WDR37: variants seen among roughly 807,000 people sequenced by gnomAD.
The protein encoded by WDR37 is WD repeat-containing protein 37.
In WDR37, 19 loss-of-function variants were observed where a neutral mutation model predicts 62.9. The ratio of observed to expected loss-of-function variants is 0.30; its 90% confidence interval spans 0.21 to 0.44. WDR37 has a LOEUF of 0.44. WDR37 is among the 20% of genes least tolerant of loss of function. The pLI is 1.00. For missense variants in WDR37, 474 were observed against 657.6 expected, an observed-to-expected ratio of 0.72 and a Z score of 3.05; for synonymous variants, 250 against 260.9, an observed-to-expected ratio of 0.96 and a Z score of 0.40.
At chr10:1,107,202 G>C (rs1835050949) in intron 11 of WDR37, among the ~76,000 whole-genome samples, 1 of 152,262 alleles carries the variant, frequency 6.6e-6, no homozygotes, top group Non-Finnish European at 1.5e-5. Flanking sequence ...TCCCATGCAT[G>C]TTAGCTTGGA....
rs772555616 is a variant in WDR37 at position 1,080,524 on chromosome 10, G to A, written c.396+48G>A. ...AGCCATCATGTGGTGGTTAAGGTGT[G>A]CAGATGTGTACTTTAAGTTGTTTAT... On this transcript the variant is annotated intron_variant, in intron 5 of 13. Transcript: ENST00000263150. 8 of 1,586,394 alleles carry A rather than the reference G, an allele frequency of 5.0e-6. No individual in the cohort carries two copies. The African/African-American group carries it at 1.1e-4, about 21-fold the overall frequency.
chr10:1,129,409 T>C lies in WDR37; in HGVS notation c.*65T>C. On this transcript the variant is annotated 3_prime_UTR_variant, in exon 14 of 14. Coordinates refer to ENST00000263150, the MANE Select transcript of WDR37 (RefSeq NM_014023.4). ...GACCTTTGATGGGTGCAGGCTTTTC[T>C]GCGTATTAATCAGCCATTTTTGTGA... is the stretch of plus-strand genomic sequence containing the variant. The C allele has an allele frequency of 1.3e-6, 2 of 1,596,452 alleles. No homozygotes were observed. The highest frequency in any genetic ancestry group is 1.7e-6 in the Non-Finnish European group (2 of 1,168,062).
At chr10:1,069,389 A>ATATATATATATATATATTTTTT in intron 1 of WDR37, among the ~76,000 whole-genome samples, 1 of 95,780 alleles carries the variant, frequency 1.0e-5, no homozygotes, top group Non-Finnish European at 1.9e-5. Context: ...ATATATATAT[A>ATATATATATATATATATTTTTT]TTTTTTTTTT....
rs1380754527 is a variant in WDR37 at position 1,121,653 on chromosome 10, A to G, written c.1104-2565A>G. Reference sequence around the variant, plus strand: ...CCCCCAGGAGACAGTGTTTGTTGTCACCCCTGGGGAGGGGTCTGCTCTAGT... The same window carrying G: ...CCCCCAGGAGACAGTGTTTGTTGTCGCCCCTGGGGAGGGGTCTGCTCTAGT... On this transcript the variant is annotated intron_variant, in intron 11 of 13. Transcript: ENST00000263150. The surrounding 1 kb of genome is among the most constrained non-coding windows in gnomAD (Gnocchi z 4.5). Among the ~76,000 whole-genome samples, 1 of 151,988 alleles carries G rather than the reference A, an allele frequency of 6.6e-6. No individual in the cohort carries two copies. The highest frequency in any genetic ancestry group is 2.4e-5 in the African/African-American group (1 of 41,358).
At chr10:1,097,331 T>C (rs1241660879) in intron 9 of WDR37, among the ~76,000 whole-genome samples, 1 of 152,090 alleles carries the variant, frequency 6.6e-6, no homozygotes, top group Non-Finnish European at 1.5e-5. Context: ...GATCCAGGAC[T>C]GGAGATGGGA....
Position 1,080,095 on chromosome 10 carries a change from TCAAAA to T in WDR37, c.326_330del (p.Thr109SerfsTer28). ...GGAGCAGAGCTGAGTAAGGGCCAAC[TCAAAA>T]CAAAAGGTAAGGTGAATCCCATGAA... is the stretch of plus-strand genomic sequence containing the variant. On this transcript the variant is annotated frameshift_variant, in exon 4 of 14. Coordinates refer to ENST00000263150, the MANE Select transcript of WDR37 (RefSeq NM_014023.4). LOFTEE classifies it high-confidence loss of function. 1 of 1,614,082 alleles carries T rather than the reference TCAAAA, an allele frequency of 6.2e-7. No individual in the cohort carries two copies. The highest frequency in any genetic ancestry group is 8.5e-7 in the Non-Finnish European group (1 of 1,179,992).
chr10:1,064,583 C>CTTT (rs71376884), intron 1 of WDR37, among the ~76,000 whole-genome samples: 909 of 70,472 alleles, frequency 0.013, 108 homozygotes, highest in Non-Finnish European at 0.017. Context: ...GACAATGGAT[C>CTTT]TTTTTTTTTT....
intron 3 of WDR37, among the ~76,000 whole-genome samples, chr10:1,078,337 C>T (rs1833938347): frequency 6.6e-6 from 1 of 152,110 alleles, no homozygotes; most frequent in South Asian, 2.1e-4. Context: ...GATGCATATA[C>T]TATATCTGAC....
intron 11 of WDR37, among the ~76,000 whole-genome samples, chr10:1,116,744 GA>G (rs2131681103): frequency 6.6e-6 from 1 of 152,322 alleles, no homozygotes; most frequent in Admixed American, 6.5e-5. Flanking sequence ...GGCGGGAACA[GA>G]ACCTCACTGC....
rs77239857 is a variant in WDR37 at position 1,087,091 on chromosome 10, A to T, written c.604+734A>T. On this transcript the variant is annotated intron_variant, in intron 7 of 13. Transcript: ENST00000263150. ...TCCACAGGGCCCTGATGAGCTGTGG[A>T]GCCTTCCCCTCCCCTTTCCCAGGAC... 1.5e-3 allele frequency among the ~76,000 whole-genome samples: 236 copies of T among 152,308 alleles called. 1 individual carries two copies. The highest frequency in any genetic ancestry group is 3.4e-3 in the Middle Eastern group (1 of 294).
intron 6 of WDR37, 150 bp from the exon 7 acceptor site, chr10:1,086,136 T>C (rs1210593410): frequency 1.3e-5 from 8 of 601,774 alleles, no homozygotes; most frequent in Non-Finnish European, 2.3e-5. Context: ...CTTTGATCAA[T>C]TGAAGCATAC....
intron 7 of WDR37, among the ~76,000 whole-genome samples, chr10:1,091,295 A>T (rs1201748955): frequency 1.3e-5 from 2 of 152,208 alleles, no homozygotes; most frequent in Non-Finnish European, 2.9e-5. Flanking sequence ...TTCTCATCGA[A>T]ATTGGAAGCA....
In WDR37 at chr10:1,068,680, G is replaced by A. The variant is rs74117694; in HGVS notation, c.-40-3436G>A. 5.8e-3 allele frequency among the ~76,000 whole-genome samples: 877 copies of A among 152,234 alleles called. 11 individuals are homozygous for A. The highest frequency in any genetic ancestry group is 0.02 in the African/African-American group (830 of 41,538). ...ACAGCCACCCTGGAAAATACTGATA[G>A]TTTGACACTCTTAGAAAAAAACCAC... On this transcript the variant is annotated intron_variant, in intron 1 of 13. Transcript: ENST00000263150.
In WDR37 at chr10:1,126,355, G is replaced by A. The variant is rs372269255; in HGVS notation, c.1353+1331G>A. On this transcript the variant is annotated intron_variant, in intron 13 of 13. Transcript: ENST00000263150. ...CAGGAGGCGGAGCTTGCAGTGAGCT[G>A]AGATCGCGCCACTGCACTCCAGCCT... 4.5e-3 allele frequency among the ~76,000 whole-genome samples: 666 copies of A among 149,556 alleles called. 3 individuals are homozygous for A. The highest frequency in any genetic ancestry group is 6.1e-3 in the Non-Finnish European group (412 of 67,534).
chr10:1,058,370 T>TG (rs566215700), intron 1 of WDR37, among the ~76,000 whole-genome samples: 5 of 152,238 alleles, frequency 3.3e-5, no homozygotes, highest in Admixed American at 6.5e-5. Context: ...GTGAGTGTGT[T>TG]TCCCTCCTCC....
chr10:1,069,389 A>ATATATATATATATATATATTTTTTTTTT, intron 1 of WDR37, among the ~76,000 whole-genome samples: 2 of 95,804 alleles, frequency 2.1e-5, no homozygotes, highest in African/African-American at 9.4e-5. Flanking sequence ...ATATATATAT[A>ATATATATATATATATATATTTTTTTTTT]TTTTTTTTTT....
chr10:1,123,360 T>C (rs1027527003), intron 11 of WDR37, among the ~76,000 whole-genome samples: 4 of 152,234 alleles, frequency 2.6e-5, no homozygotes, highest in Admixed American at 2.0e-4. Flanking sequence ...ACCAGCACTA[T>C]TTCCTATGCT....
At chr10:1,090,746 T>C (rs764332771) in intron 7 of WDR37, among the ~76,000 whole-genome samples, 6 of 152,196 alleles carry the variant, frequency 3.9e-5, no homozygotes, top group Non-Finnish European at 8.8e-5. Flanking sequence ...TCTTTAGATT[T>C]CAGCTTAAAT....
chr10:1,063,334 A>C (rs774108228), intron 1 of WDR37, among the ~76,000 whole-genome samples: 4 of 152,108 alleles, frequency 2.6e-5, no homozygotes, highest in African/African-American at 9.7e-5. Flanking sequence ...GAACTTTTCG[A>C]TGGTAAGTAC....
Sources: gnomAD v4.1 joint callset for allele counts (sites outside exome capture counted in the v4.1 genomes callset) on GRCh38, gnomAD v4.1.1 for gene constraint, Gnocchi (gnomAD v3.1) non-coding constraint, MANE v1.5 for transcripts, NCBI Gene and HGNC (gene_info 2026-07-23, HGNC 2026-07-21) for gene names.